The following KCNIP4 variants were observed in gnomAD, a reference collection of about 807,000 sequenced individuals.
KCNIP4 encodes potassium voltage-gated channel interacting protein 4.
In KCNIP4, 12 loss-of-function variants were observed where a neutral mutation model predicts 34.0. The observed-to-expected ratio is 0.35, with a 90% CI of 0.23 to 0.57. The LOEUF (loss-of-function observed/expected upper bound fraction) is 0.57, where lower values mean the gene tolerates loss of function less well. KCNIP4 is among the 20% of genes least tolerant of loss of function. KCNIP4 has a pLI of 0.83. For missense variants in KCNIP4, 238 were observed against 311.7 expected (o/e 0.76, Z 1.78); for synonymous variants, 124 against 102.2 (o/e 1.21, Z -1.29).
intron 1 of KCNIP4, among the ~76,000 whole-genome samples, chr4:21,401,756 G>T (rs1325139974): frequency 6.6e-6 from 1 of 152,178 alleles, no homozygotes; most frequent in East Asian, 1.9e-4. Context: ...TACTTACGTT[G>T]TGAGCCCATT....
At chr4:21,041,230 T>TCACACACACACACA (rs57664737) in intron 1 of KCNIP4, among the ~76,000 whole-genome samples, 5 of 144,756 alleles carry the variant, frequency 3.5e-5, no homozygotes, top group Middle Eastern at 3.6e-3. Flanking sequence ...GATATATATT[T>TCACACACACACACA]CACACACACA....
intron 1 of KCNIP4, among the ~76,000 whole-genome samples, chr4:21,726,749 G>A (rs1189322431): frequency 6.6e-6 from 1 of 152,056 alleles, no homozygotes; most frequent in Non-Finnish European, 1.5e-5. Flanking sequence ...AAAATATCCT[G>A]TTCACCACCA....
At chr4:21,837,023 T>C (rs369986145) in intron 1 of KCNIP4, among the ~76,000 whole-genome samples, 7 of 149,782 alleles carry the variant, frequency 4.7e-5, no homozygotes, top group African/African-American at 1.7e-4. Flanking sequence ...ATTCACTCCA[T>C]TCTCCTGCCT....
intron 3 of KCNIP4, among the ~76,000 whole-genome samples, chr4:20,823,833 C>T (rs1450348196): frequency 1.3e-5 from 2 of 152,128 alleles, no homozygotes; most frequent in African/African-American, 4.8e-5. Context: ...AATAAGGAAG[C>T]TAATGGAGAT....
At chr4:21,330,681 C>T (rs569435555) in intron 1 of KCNIP4, among the ~76,000 whole-genome samples, 4 of 152,096 alleles carry the variant, frequency 2.6e-5, no homozygotes, top group Non-Finnish European at 4.4e-5. Flanking sequence ...AAAGTGATGT[C>T]CTTAAAGAAT....
In KCNIP4 at chr4:21,107,866, T is replaced by C. The variant is rs186963800; in HGVS notation, c.62-225157A>G. On this transcript the variant is annotated intron_variant, in intron 1 of 8. Transcript: ENST00000382152. ...TTTCTCCTTCACTTATGAAGCTTAG[T>C]TTGGCTGGATATGAAATTCTGGGTT... 7.1e-4 allele frequency among the ~76,000 whole-genome samples: 107 copies of C among 151,374 alleles called. 1 individual carries two copies. The East Asian group carries it at 0.017, about 24-fold the overall frequency.
chr4:21,453,207 C>G (rs985074184), intron 1 of KCNIP4, among the ~76,000 whole-genome samples: 16 of 152,024 alleles, frequency 1.1e-4, no homozygotes, highest in Middle Eastern at 3.4e-3. Flanking sequence ...CATCTAAGAT[C>G]CCTCCCAATG....
At chr4:21,683,868 A>C (rs1039752320) in intron 1 of KCNIP4, among the ~76,000 whole-genome samples, 4 of 152,100 alleles carry the variant, frequency 2.6e-5, no homozygotes, top group Non-Finnish European at 4.4e-5. Context: ...GTGCATACAC[A>C]TTGTCCCAGT....
Position 21,422,709 on chromosome 4 carries a change from C to T in KCNIP4, c.61+525862G>A, listed in dbSNP as rs904860555. ...TGTGTGTCTGCATATGTGCTTGATT[C>T]CTACTTTTCATTTCGTCACCTGGGA... On this transcript the variant is annotated intron_variant, in intron 1 of 8. Transcript: ENST00000382152. Among the ~76,000 whole-genome samples the T allele has an allele frequency of 4.0e-5, 6 of 150,316 alleles. 1 individual carries two copies. In the South Asian group the frequency reaches 1.3e-3, roughly 32 times the overall value.
At chr4:20,876,781 C>T (rs146661042) in intron 2 of KCNIP4, among the ~76,000 whole-genome samples, 1 of 152,072 alleles carries the variant, frequency 6.6e-6, no homozygotes, top group African/African-American at 2.4e-5. Flanking sequence ...ACCATGTTGG[C>T]CAGGCTGGTC....
At chr4:21,610,489 T>C (rs893723237) in intron 1 of KCNIP4, among the ~76,000 whole-genome samples, 1 of 152,170 alleles carries the variant, frequency 6.6e-6, no homozygotes, top group African/African-American at 2.4e-5. Flanking sequence ...ATAGTTTCAT[T>C]TGAGGTACTG....
At chr4:21,501,699 T>TGTGTGTGTGTGTGTGTGTGTGTGTGTGA in intron 1 of KCNIP4, among the ~76,000 whole-genome samples, 1 of 150,378 alleles carries the variant, frequency 6.6e-6, no homozygotes, top group African/African-American at 2.5e-5. Context: ...TGTGTGTGTG[T>TGTGTGTGTGTGTGTGTGTGTGTGTGTGA]GTGTGTGTGT....
chr4:21,251,652 C>T (rs1462753504), intron 1 of KCNIP4, among the ~76,000 whole-genome samples: 1 of 151,886 alleles, frequency 6.6e-6, no homozygotes, highest in Non-Finnish European at 1.5e-5. Flanking sequence ...GAAAATGTGG[C>T]ACATATACAC....
At chr4:21,862,968 G>GA (rs200677663) in intron 1 of KCNIP4, among the ~76,000 whole-genome samples, 12,922 of 109,476 alleles carry the variant, frequency 0.12, 1,920 homozygotes, top group African/African-American at 0.36. Context: ...CTCAAAAAAA[G>GA]AAAAAAAAAG....
intron 1 of KCNIP4, among the ~76,000 whole-genome samples, chr4:21,514,512 C>A (rs1206807760): frequency 6.6e-6 from 1 of 151,922 alleles, no homozygotes; most frequent in Non-Finnish European, 1.5e-5. Flanking sequence ...GAACTCAGAG[C>A]CAACAAAAAC....
chr4:21,525,135 A>G (rs188385220), intron 1 of KCNIP4, among the ~76,000 whole-genome samples: 72 of 152,316 alleles, frequency 4.7e-4, no homozygotes, highest in Non-Finnish European at 7.6e-4. Context: ...GAGCAATTTA[A>G]CCAAAAATAT....
intron 1 of KCNIP4, among the ~76,000 whole-genome samples, chr4:21,878,599 A>G (rs566141530): frequency 6.6e-6 from 1 of 152,340 alleles, no homozygotes; most frequent in Non-Finnish European, 1.5e-5. Flanking sequence ...CAAGATGACA[A>G]TGAGCAATGC....
intron 1 of KCNIP4, among the ~76,000 whole-genome samples, chr4:21,255,121 T>A (rs1760977780): frequency 6.6e-6 from 1 of 152,052 alleles, no homozygotes. Context: ...TCTTTGCACC[T>A]CCCTCTGCCC....
intron 1 of KCNIP4, among the ~76,000 whole-genome samples, chr4:21,829,830 A>C (rs958711350): frequency 2.0e-5 from 3 of 152,068 alleles, no homozygotes; most frequent in African/African-American, 7.2e-5. Context: ...TCTATCAATA[A>C]GTATTTTGAA....
Sources: gnomAD v4.1 joint callset for allele counts (sites outside exome capture counted in the v4.1 genomes callset) on GRCh38, gnomAD v4.1.1 for gene constraint, MANE v1.5 for transcripts, NCBI Gene and HGNC (gene_info 2026-07-23, HGNC 2026-07-21) for gene names.